ARPP21: variants seen among roughly 807,000 people sequenced by gnomAD.
The protein encoded by ARPP21 is cAMP regulated phosphoprotein 21, also known as cAMP-regulated phosphoprotein 21.
In ARPP21, 69 loss-of-function variants were observed where a neutral mutation model predicts 113.2. The ratio of observed to expected loss-of-function variants is 0.61; its 90% CI spans 0.50 to 0.74. The LOEUF is 0.74. Among genes scored for constraint, ARPP21 ranks in the 30% least tolerant of loss-of-function variants. The pLI is 0.00. For synonymous variants in ARPP21, 368 were observed against 375.5 expected, an observed-to-expected ratio of 0.98 and a Z score of 0.23; for missense variants, 1,070 against 1,037.4, an observed-to-expected ratio of 1.03 and a Z score of -0.43.
rs1192171315 is a variant in ARPP21, at chr3:35,792,454, A to G, written c.2210A>G (p.Gln737Arg). 2 of 1,614,042 alleles carry G rather than the reference A, an allele frequency of 1.2e-6. No individual in the cohort carries two copies. Among genetic ancestry groups the G allele is most frequent in the East Asian group, 2.2e-5 (1 of 44,864 alleles). The change falls in exon 20 of 21, where the codon CAG (glutamine) becomes CGG (arginine). Residue 737 changes from glutamine to arginine, a missense_variant. Transcript: ENST00000684406. ...GGAGTGCAGCAGCCACCTCAGAGTCAGAACGTGATAAATAACCAACAAGGA... is the reference window on the plus strand; with the variant it reads ...GGAGTGCAGCAGCCACCTCAGAGTCGGAACGTGATAAATAACCAACAAGGA... ...LIGVQQPPQS[Q>R]NVINNQQGTP...
At chr3:35,779,983 G>A (rs919259572) in intron 19 of ARPP21, among the ~76,000 whole-genome samples, 2 of 152,164 alleles carry the variant, frequency 1.3e-5, no homozygotes, top group African/African-American at 2.4e-5. Context: ...TTGCCCAGAG[G>A]CAAAGGGGAT....
chr3:35,682,008 C>A (rs1382243564), intron 3 of ARPP21, 128 bp downstream of exon 3: 3 of 1,129,238 alleles, frequency 2.7e-6, no homozygotes, highest in African/African-American at 1.6e-5. Context: ...AAATGCTAGT[C>A]TCCTACTTTT....
rs1419463714 is a variant in ARPP21, at chr3:35,707,060, G to T, written c.773G>T (p.Ser258Ile). The T allele has an allele frequency of 6.2e-6, 10 of 1,613,524 alleles. No homozygotes were observed. Among genetic ancestry groups the T allele is most frequent in the African/African-American group, 1.3e-5 (1 of 74,902 alleles). Residue 258 changes from serine to isoleucine, a missense_variant, in exon 10 of 21, where the codon AGT (serine) becomes ATT (isoleucine). Coordinates refer to ENST00000684406, the MANE Select transcript of ARPP21 (RefSeq NM_001385562.1). The part of the protein sequence containing the change: ...KRFILKRDNS[S>I]IDKEDNQQNR... Reference sequence around the variant, plus strand: ...TTTATCTTGAAGCGAGATAACTCTAGTATTGATAAAGAAGACAATCAGGTT... The same window carrying T: ...TTTATCTTGAAGCGAGATAACTCTATTATTGATAAAGAAGACAATCAGGTT...
chr3:35,648,825 T>C (rs182688465), intron 1 of ARPP21, among the ~76,000 whole-genome samples: 48 of 152,320 alleles, frequency 3.2e-4, no homozygotes, highest in African/African-American at 1.1e-3. Context: ...AGCATTCTTC[T>C]GGGGAATAGC....
intron 1 of ARPP21, among the ~76,000 whole-genome samples, chr3:35,657,929 A>G (rs1705782240): frequency 1.3e-5 from 2 of 152,266 alleles, no homozygotes; most frequent in South Asian, 4.1e-4. Flanking sequence ...AGTTAATTTG[A>G]TTCTCAGTTT....
At chr3:35,717,230 C>T (rs1357058916) in intron 12 of ARPP21, 68 bp from the exon 13 acceptor site, 2 of 853,378 alleles carry the variant, frequency 2.3e-6, no homozygotes, top group Non-Finnish European at 4.1e-6. Context: ...GAGTACACAT[C>T]CATGTAAACA....
At chr3:35,646,235 A>G (rs190037563) in intron 1 of ARPP21, among the ~76,000 whole-genome samples, 10 of 152,226 alleles carry the variant, frequency 6.6e-5, no homozygotes, top group African/African-American at 2.4e-4. Context: ...TGGAAGACTA[A>G]CACATTTATT....
chr3:35,751,679 C>T (rs2095409688), intron 19 of ARPP21, among the ~76,000 whole-genome samples: 2 of 152,094 alleles, frequency 1.3e-5, no homozygotes, highest in Admixed American at 6.6e-5. Flanking sequence ...AGTTTAAATA[C>T]TTAATTTTGC....
At chr3:35,738,073 C>T (rs1243413240) in intron 16 of ARPP21, 141 bp from the exon 17 acceptor site, 6 of 587,404 alleles carry the variant, frequency 1.0e-5, no homozygotes, top group African/African-American at 1.9e-5. Flanking sequence ...TCTTTCAGAG[C>T]CTTGACTTTC....
At chr3:35,792,250 C>A in intron 19 of ARPP21, 132 bp from the exon 20 acceptor site, 1 of 721,594 alleles carries the variant, frequency 1.4e-6, no homozygotes, top group Non-Finnish European at 2.4e-6. Context: ...AGGGAATAAA[C>A]ATCTGATAAC....
chr3:35,701,431 A>G (rs7349575), intron 9 of ARPP21, among the ~76,000 whole-genome samples: 16,641 of 151,752 alleles, frequency 0.11, 942 homozygotes, highest in Non-Finnish European at 0.12. Flanking sequence ...TAAGCTAAGT[A>G]TATCTATCTG....
intron 19 of ARPP21, among the ~76,000 whole-genome samples, chr3:35,788,957 T>A (rs1245943058): frequency 1.3e-5 from 2 of 152,306 alleles, no homozygotes; most frequent in Middle Eastern, 3.4e-3. Flanking sequence ...ATTCCTAACC[T>A]TTTTACCTCC....
chr3:35,646,132 T>C (rs2148901041), intron 1 of ARPP21, among the ~76,000 whole-genome samples: 1 of 152,152 alleles, frequency 6.6e-6, no homozygotes, highest in East Asian at 1.9e-4. Flanking sequence ...CACTGGTCAA[T>C]AGAGGGTGAA....
chr3:35,725,586 T>C (rs1404394128), intron 14 of ARPP21, among the ~76,000 whole-genome samples: 2 of 152,206 alleles, frequency 1.3e-5, no homozygotes, highest in African/African-American at 4.8e-5. Flanking sequence ...GAAGTATCCT[T>C]CCTCCCTGGG....
At position 35,729,304 on chromosome 3, in the gene ARPP21, T is replaced by G; in HGVS notation, c.1227T>G (p.Gly409=). The change falls in exon 15 of 21, where the codon GGT becomes GGG. Residue 409 remains glycine (G), a splice_region_variant and synonymous_variant. Coordinates refer to ENST00000684406, the MANE Select transcript of ARPP21 (RefSeq NM_001385562.1). ...TRSTGKLSKA[G]SESSSSAGSS... is the part of the protein sequence containing the mutation. ...TTGTTGATTGTATCCCTATGCCAGG[T>G]TCCGAGTCTTCCAGCAGTGCAGGCT... The G allele has an allele frequency of 6.2e-7, 1 of 1,611,780 alleles. No homozygotes were observed.
At chr3:35,657,389 G>A (rs1705503041) in intron 1 of ARPP21, among the ~76,000 whole-genome samples, 1 of 152,062 alleles carries the variant, frequency 6.6e-6, no homozygotes, top group African/African-American at 2.4e-5. Context: ...CAGAAGAATT[G>A]GCAGTTTAAT....
At chr3:35,686,448 C>T (rs1159295208) in intron 5 of ARPP21, among the ~76,000 whole-genome samples, 1 of 151,572 alleles carries the variant, frequency 6.6e-6, no homozygotes. Context: ...ATTTATATTG[C>T]GTGACATTAT....
chr3:35,683,957 C>A, intron 5 of ARPP21, 142 bp downstream of exon 5: 1 of 1,239,346 alleles, frequency 8.1e-7, no homozygotes. Context: ...TTATCCCCTG[C>A]TTATGCAACA....
intron 1 of ARPP21, among the ~76,000 whole-genome samples, chr3:35,662,289 TA>T: frequency 6.6e-6 from 1 of 152,262 alleles, no homozygotes; most frequent in East Asian, 1.9e-4. Flanking sequence ...AGGTGCCAGG[TA>T]TTAGAGAGGT....
Sources: allele counts gnomAD v4.1 joint callset (sites outside exome capture counted in the v4.1 genomes callset), GRCh38; gene constraint gnomAD v4.1.1; transcripts MANE v1.5; gene names NCBI Gene and HGNC (gene_info 2026-07-23, HGNC 2026-07-21).